DBH: variants seen among roughly 807,000 people sequenced by gnomAD.
DBH encodes the protein dopamine beta-hydroxylase.
A neutral mutation model predicts 64.0 loss-of-function variants in DBH; 49 were observed. The ratio of observed to expected loss-of-function variants is 0.77; its 90% CI spans 0.61 to 0.97. The LOEUF is 0.97. Among genes scored for constraint, DBH ranks in the 50% least tolerant of loss-of-function variants. The pLI, the probability that DBH is intolerant of heterozygous loss-of-function variation, is 0.00. For missense variants in DBH, 828 were observed against 826.6 expected, an observed-to-expected ratio of 1.00 and a Z score of -0.02; for synonymous variants, 343 against 347.1, an observed-to-expected ratio of 0.99 and a Z score of 0.13.
chr9:133,649,681 T>A (rs759588523), intron 6 of DBH, among the ~76,000 whole-genome samples: 5 of 152,200 alleles, frequency 3.3e-5, no homozygotes, highest in Non-Finnish European at 7.3e-5. Flanking sequence ...GGGTGGACAC[T>A]CTCTCCCACT....
In DBH at chr9:133,657,154, C is replaced by T. The variant is rs1315846417; in HGVS notation, c.1647C>T (p.Arg549=). The T allele has an allele frequency of 5.6e-6, 9 of 1,613,986 alleles. No homozygotes were observed. Among genetic ancestry groups the T allele is most frequent in the Non-Finnish European group, 4.2e-6 (5 of 1,180,012 alleles). The change falls in exon 11 of 12, where the codon CGC becomes CGT. Residue 549 remains arginine, a synonymous_variant. Transcript: ENST00000393056. The part of the protein sequence containing the change: ...FTSVPWNSFN[R]DVLKALYSFA... ...CTGTTCCCTGGAACTCCTTCAACCG[C>T]GACGTACTGAAGGCCCTGTACAGCT...
chr9:133,647,992 A>T lies in DBH; in HGVS notation c.1171A>T (p.Thr391Ser). 1 of 1,613,128 alleles carries T rather than the reference A, an allele frequency of 6.2e-7. No individual in the cohort carries two copies. ...CGCCTTCATCCTCACTGGCTACTGCACGGACAAGTGCACCCAGCTGGTGAG... is the reference window on the plus strand; with the variant it reads ...CGCCTTCATCCTCACTGGCTACTGCTCGGACAAGTGCACCCAGCTGGTGAG... ...ETAFILTGYCTDKCTQLALPP... is the reference protein window; with the variant it reads ...ETAFILTGYCSDKCTQLALPP... The change falls in exon 6 of 12, where the codon ACG becomes TCG. Residue 391 changes from threonine to serine, a missense_variant. Thr to Ser is a moderately conservative substitution (Grantham distance 58, BLOSUM62 1). Coordinates refer to ENST00000393056, the MANE Select transcript of DBH (RefSeq NM_000787.4).
chr9:133,648,812 G>A (rs917713030), intron 6 of DBH, among the ~76,000 whole-genome samples: 1 of 152,236 alleles, frequency 6.6e-6, no homozygotes, highest in African/African-American at 2.4e-5. Context: ...GTGCTGAACT[G>A]TCTCCCTATC....
chr9:133,645,590 A>T (rs1311692054), intron 5 of DBH, among the ~76,000 whole-genome samples: 1 of 152,100 alleles, frequency 6.6e-6, no homozygotes, highest in African/African-American at 2.4e-5. Context: ...CACCCTTTTT[A>T]TTATTATCCT....
intron 11 of DBH, 141 bp downstream of exon 11, chr9:133,657,370 A>G (rs1832337938): frequency 2.1e-6 from 2 of 957,720 alleles, no homozygotes; most frequent in East Asian, 5.8e-5. Flanking sequence ...AGGTGGTGAC[A>G]CATAGGCCTA....
chr9:133,642,351 G>A lies in DBH; in HGVS notation c.631G>A (p.Ala211Thr), dbSNP rs5320. 96,610 of 1,613,986 alleles carry A rather than the reference G, an allele frequency of 0.06. 3,671 individuals are homozygous for A. The highest frequency in any genetic ancestry group is 0.16 in the African/African-American group (11,682 of 74,962). ...NIPEPELPSD[A>T]CTMEVQAPNI... is the part of the protein sequence containing the mutation. ...CCCCGAACCGGAGTTGCCCTCAGAC[G>A]CGTGCACCATGGAGGTCCAAGCTCC... Residue 211 changes from alanine (A) to threonine (T), a missense_variant, in exon 3 of 12, where the codon GCG becomes ACG. By Grantham distance (58) the Ala-to-Thr change is moderately conservative (BLOSUM62 0). Coordinates refer to ENST00000393056, the MANE Select transcript of DBH (RefSeq NM_000787.4).
At chr9:133,646,783 C>T (rs1167215447) in intron 5 of DBH, among the ~76,000 whole-genome samples, 2 of 152,202 alleles carry the variant, frequency 1.3e-5, no homozygotes, top group African/African-American at 4.8e-5. Context: ...CTCGGCCTCC[C>T]AAAGTGCTGG....
At chr9:133,645,621 A>G (rs1417233367) in intron 5 of DBH, among the ~76,000 whole-genome samples, 1 of 152,146 alleles carries the variant, frequency 6.6e-6, no homozygotes, top group Non-Finnish European at 1.5e-5. Flanking sequence ...CAGCCTGGAG[A>G]TACAGGAGCC....
intron 9 of DBH, chr9:133,655,046 CG>C (rs922412199): frequency 1.3e-5 from 2 of 152,338 alleles, no homozygotes; most frequent in Non-Finnish European, 2.9e-5. Flanking sequence ...CCAGGGCGTT[CG>C]GGGCTGCCAG....
At chr9:133,641,305 G>T (rs1832113662) in intron 2 of DBH, among the ~76,000 whole-genome samples, 1 of 152,206 alleles carries the variant, frequency 6.6e-6, no homozygotes, top group Admixed American at 6.5e-5. Flanking sequence ...GCCAGAAGAG[G>T]TGTTCTTCCA....
At position 133,636,980 on chromosome 9, in the gene DBH, T is replaced by C. The variant is rs568120912; in HGVS notation, c.339+270T>C. Among the ~76,000 whole-genome samples the C allele has an allele frequency of 6.6e-5, 10 of 150,518 alleles. 1 individual carries two copies. The South Asian group carries it at 1.7e-3, about 25-fold the overall frequency. The stretch of plus-strand genomic sequence containing the variant: ...CCAGTAATCCCAAGGAATGGAACTA[T>C]ACACAGAGGACGCACACACCACACA... On this transcript the variant is annotated intron_variant, in intron 1 of 11. Coordinates refer to ENST00000393056, the MANE Select transcript of DBH (RefSeq NM_000787.4).
chr9:133,642,509 C>A, intron 3 of DBH, 45 bp downstream of exon 3: 1 of 1,561,012 alleles, frequency 6.4e-7, no homozygotes, highest in Non-Finnish European at 8.7e-7. Context: ...GCCCTGCCTT[C>A]CTCCCGGGCC....
chr9:133,637,247 T>C (rs3025383), intron 1 of DBH, among the ~76,000 whole-genome samples: 37,575 of 152,214 alleles, frequency 0.25, 5,831 homozygotes, highest in African/African-American at 0.44. Flanking sequence ...CCATAGGTGT[T>C]GAACAAGCCC....
intron 9 of DBH, 116 bp downstream of exon 9, chr9:133,653,115 T>C (rs1832271986): frequency 3.6e-6 from 3 of 822,880 alleles, no homozygotes; most frequent in South Asian, 2.8e-5. Flanking sequence ...GTCCCCTCAA[T>C]AAGCCAGTCG....
rs1452172409 is a variant in DBH, at chr9:133,652,941, G to A, written c.1376G>A (p.Gly459Glu). The A allele has an allele frequency of 6.2e-7, 1 of 1,613,388 alleles. No homozygotes were observed. Among genetic ancestry groups the A allele is most frequent in the East Asian group, 2.2e-5 (1 of 44,872 alleles). The change falls in exon 9 of 12, where the codon GGA becomes GAA. Residue 459 changes from glycine to glutamate, a missense_variant and splice_region_variant. Physicochemically the swap from Gly to Glu is moderately conservative, Grantham distance 98 (BLOSUM62 -2). Transcript: ENST00000393056. ...MLKKVVSVHP[G>E]DVLITSCTYN... ...ATGGTCACATTGGCTTTTCCTCAGGGAGATGTGCTCATCACCTCCTGCACG... is the reference window on the plus strand; with the variant it reads ...ATGGTCACATTGGCTTTTCCTCAGGAAGATGTGCTCATCACCTCCTGCACG...
At chr9:133,652,403 C>G in intron 8 of DBH, 119 bp downstream of exon 8, 1 of 1,265,202 alleles carries the variant, frequency 7.9e-7, no homozygotes, top group South Asian at 1.2e-5. Context: ...GGAGAGCCAT[C>G]CAGGGCAGGG....
At chr9:133,640,417 C>T (rs1340692568) in intron 2 of DBH, among the ~76,000 whole-genome samples, 1 of 152,130 alleles carries the variant, frequency 6.6e-6, no homozygotes, top group Non-Finnish European at 1.5e-5. Context: ...ACAACTGCCC[C>T]CCTCCTCTGG....
In DBH at chr9:133,658,548, G is replaced by A. The variant is rs1418918740; in HGVS notation, c.*101G>A. On this transcript the variant is annotated 3_prime_UTR_variant, in exon 12 of 12. Coordinates refer to ENST00000393056, the MANE Select transcript of DBH (RefSeq NM_000787.4). The stretch of plus-strand genomic sequence containing the variant: ...CGATCCCCATGGAACAGCCCTGCAC[G>A]CCCAGGATGAAGGGGCCAGACCACG... 17 of 1,321,230 alleles carry A rather than the reference G, an allele frequency of 1.3e-5. No homozygotes were observed. The highest frequency in any genetic ancestry group is 2.7e-5 in the East Asian group (1 of 37,480). The allele number at this position is 1,321,230 out of a possible 1,614,324, so 81.8% of individuals were successfully genotyped here.
chr9:133,651,689 C>A lies in DBH; in HGVS notation c.1247C>A (p.Thr416Asn), dbSNP rs148332995. The change falls in exon 7 of 12, where the codon ACT (threonine) becomes AAT (asparagine). Residue 416 changes from threonine (T) to asparagine (N), a missense_variant. Physicochemically the swap from Thr to Asn is moderately conservative, Grantham distance 65 (BLOSUM62 0). Coordinates refer to ENST00000393056, the MANE Select transcript of DBH (RefSeq NM_000787.4). ...IFASQLHTHL[T>N]GRKVVTVLVR... ...GCCTCTCAGCTCCACACACACCTGA[C>A]TGGGAGAAAGGTGGTCACAGTGCTG... 1 of 1,613,882 alleles carries A rather than the reference C, an allele frequency of 6.2e-7. No individual in the cohort carries two copies. The highest frequency in any genetic ancestry group is 1.3e-5 in the African/African-American group (1 of 74,928).
Sources: gnomAD v4.1 joint callset for allele counts (sites outside exome capture counted in the v4.1 genomes callset) on GRCh38, gnomAD v4.1.1 for gene constraint, MANE v1.5 for transcripts, NCBI Gene and HGNC (gene_info 2026-07-23, HGNC 2026-07-21) for gene names.